RAB11FIP3: variants seen among roughly 807,000 people sequenced by gnomAD.
RAB11FIP3 encodes RAB11 family interacting protein 3.
RAB11FIP3 carries 17 observed loss-of-function variants against 77.8 expected under a neutral mutation model. The ratio of observed to expected loss-of-function variants is 0.22; its 90% CI spans 0.15 to 0.33. The LOEUF (loss-of-function observed/expected upper bound fraction) is 0.33, where lower values mean the gene tolerates loss of function less well. Among genes scored for constraint, RAB11FIP3 ranks in the 10% least tolerant of loss-of-function variants. RAB11FIP3 has a pLI of 1.00. For synonymous variants in RAB11FIP3, 437 were observed against 448.2 expected, an observed-to-expected ratio of 0.98 and a Z score of 0.31; for missense variants, 1,005 against 1,011.2, an observed-to-expected ratio of 0.99 and a Z score of 0.08.
Position 519,911 on chromosome 16 carries a change from C to T in RAB11FIP3, c.1860+20C>T. On this transcript the variant is annotated intron_variant, in intron 11 of 13. Coordinates refer to ENST00000262305, the MANE Select transcript of RAB11FIP3 (RefSeq NM_014700.4). Reference sequence around the variant, plus strand: ...CAGGAGGTGAGCACCCACCCTGCCCCACGCCCAGTCCTGCGCCCAGCCTGC... The same window carrying T: ...CAGGAGGTGAGCACCCACCCTGCCCTACGCCCAGTCCTGCGCCCAGCCTGC... 1.9e-6 allele frequency: 3 copies of T among 1,564,140 alleles called. No individual in the cohort carries two copies. The highest frequency in any genetic ancestry group is 2.3e-5 in the South Asian group (2 of 85,160).
intron 1 of RAB11FIP3, among the ~76,000 whole-genome samples, chr16:435,940 C>T (rs961649593): frequency 5.3e-5 from 8 of 152,120 alleles, no homozygotes; most frequent in African/African-American, 1.9e-4. Context: ...TGAAGATGGG[C>T]TATTTTTACT....
chr16:502,909 C>A, intron 6 of RAB11FIP3, 95 bp from the exon 7 acceptor site: 1 of 1,009,824 alleles, frequency 9.9e-7, no homozygotes, highest in Non-Finnish European at 1.6e-6. Flanking sequence ...AATGCTGCTG[C>A]CTGCTTTTCA....
chr16:478,472 T>C (rs999530121), intron 3 of RAB11FIP3, among the ~76,000 whole-genome samples: 11 of 151,968 alleles, frequency 7.2e-5, no homozygotes, highest in African/African-American at 2.7e-4. Context: ...ATTACAGGCA[T>C]TAACCACGGC....
chr16:486,022 C>T (rs1304478808), intron 4 of RAB11FIP3, among the ~76,000 whole-genome samples: 1 of 152,204 alleles, frequency 6.6e-6, no homozygotes, highest in Non-Finnish European at 1.5e-5. Flanking sequence ...TTGCCTTAGC[C>T]TCCTGATTAG....
intron 8 of RAB11FIP3, among the ~76,000 whole-genome samples, chr16:509,183 C>T (rs576624461): frequency 6.6e-6 from 1 of 152,356 alleles, no homozygotes; most frequent in South Asian, 2.1e-4. Context: ...GGATTACAGG[C>T]GTGAGCCCGG....
rs779597265 is a variant in RAB11FIP3, at chr16:426,368, C to A, written c.362C>A (p.Pro121Gln). Residue 121 changes from proline to glutamine, a missense_variant, in exon 1 of 14, where the codon CCG becomes CAG. This residue lies in a region of RAB11FIP3 where 466 missense variants were observed against 408.3 expected (regional missense o/e 1.14). Coordinates refer to ENST00000262305, the MANE Select transcript of RAB11FIP3 (RefSeq NM_014700.4). The surrounding 1 kb of genome is among the most constrained non-coding windows in gnomAD (Gnocchi z 5.0). ...RSEAPLPELD[P>Q]LFSWTEEPEE... is the part of the protein sequence containing the mutation. ...GAAGCGCCGCTTCCAGAACTCGACC[C>A]GTTGTTCTCCTGGACTGAGGAGCCC... The A allele has an allele frequency of 1.6e-5, 25 of 1,544,876 alleles. No homozygotes were observed. Among genetic ancestry groups the A allele is most frequent in the Middle Eastern group, 1.8e-4 (1 of 5,702 alleles).
At chr16:455,336 T>C (rs2055484534) in intron 1 of RAB11FIP3, among the ~76,000 whole-genome samples, 1 of 151,498 alleles carries the variant, frequency 6.6e-6, no homozygotes, top group Non-Finnish European at 1.5e-5. Context: ...CAGCCGGGCG[T>C]GGTGGCACGT....
intron 1 of RAB11FIP3, among the ~76,000 whole-genome samples, chr16:430,935 G>A (rs773137466): frequency 6.6e-6 from 1 of 152,188 alleles, no homozygotes. Context: ...GACCGTCCTC[G>A]GGCCTCAGCC....
At chr16:490,221 G>A (rs7206743) in intron 5 of RAB11FIP3, among the ~76,000 whole-genome samples, 21,093 of 152,214 alleles carry the variant, frequency 0.14, 1,997 homozygotes, top group African/African-American at 0.26. Flanking sequence ...GGGTCCCAGC[G>A]CCCGCGATGA....
chr16:483,384 G>A (rs1326043932), intron 4 of RAB11FIP3, among the ~76,000 whole-genome samples: 1 of 152,192 alleles, frequency 6.6e-6, no homozygotes, highest in Non-Finnish European at 1.5e-5. Flanking sequence ...CCATGGTTAG[G>A]GAGGTCAGGC....
At position 520,894 on chromosome 16, in the gene RAB11FIP3, T is replaced by G; in HGVS notation, c.*55T>G. ...CGGGACTCCAACACCCTGGAGTGGT[T>G]CCGTCAGACCATGAGGAGCCAAGAC... On this transcript the variant is annotated 3_prime_UTR_variant, in exon 14 of 14. Transcript: ENST00000262305. 1 of 1,439,218 alleles carries G rather than the reference T, an allele frequency of 6.9e-7. No individual in the cohort carries two copies. The highest frequency in any genetic ancestry group is 1.1e-5 in the South Asian group (1 of 87,460). 89.2% of individuals were successfully genotyped at this position (1,439,218 alleles called of 1,614,324 possible).
At chr16:474,593 C>T (rs1231433752) in intron 3 of RAB11FIP3, among the ~76,000 whole-genome samples, 2 of 152,082 alleles carry the variant, frequency 1.3e-5, no homozygotes, top group Non-Finnish European at 2.9e-5. Context: ...GAGTGTAAGG[C>T]GCATCTCACA....
rs746894823 is a variant in RAB11FIP3, at chr16:503,095, A to G, written c.1393A>G (p.Lys465Glu). ...GGGCCCAGAGGAGGACATTGCTGAC[A>G]AGGTAGGCCCTGGAGGGCTGGGTAG... ...MEGPEEDIAD[K>E]VVFLERRVLE... Residue 465 changes from lysine (K) to glutamate (E), a missense_variant and splice_region_variant, in exon 7 of 14, where the codon AAG (lysine) becomes GAG (glutamate). Physicochemically the swap from Lys to Glu is moderately conservative, Grantham distance 56 (BLOSUM62 1). Coordinates refer to ENST00000262305, the MANE Select transcript of RAB11FIP3 (RefSeq NM_014700.4). The G allele has an allele frequency of 6.2e-7, 1 of 1,609,798 alleles. No homozygotes were observed. Among genetic ancestry groups the G allele is most frequent in the Non-Finnish European group, 8.5e-7 (1 of 1,177,124 alleles).
At chr16:446,236 C>T (rs1453416366) in intron 1 of RAB11FIP3, among the ~76,000 whole-genome samples, 7 of 152,104 alleles carry the variant, frequency 4.6e-5, no homozygotes, top group African/African-American at 7.2e-5. Context: ...GCCTGGGCAG[C>T]ATAGTGAAAC....
intron 9 of RAB11FIP3, among the ~76,000 whole-genome samples, chr16:515,685 G>A (rs981591492): frequency 1.3e-4 from 20 of 151,312 alleles, no homozygotes; most frequent in Non-Finnish European, 2.2e-4. Flanking sequence ...GCAGCCACAC[G>A]GGCGACACGC....
intron 1 of RAB11FIP3, among the ~76,000 whole-genome samples, chr16:445,452 AAAAT>A (rs1183618739): frequency 1.1e-3 from 168 of 152,160 alleles, no homozygotes; most frequent in African/African-American, 3.8e-3. Context: ...AATAAAAATA[AAAAT>A]AAAAAAAGAT....
intron 1 of RAB11FIP3, among the ~76,000 whole-genome samples, chr16:435,204 CAA>C (rs371438435): frequency 3.0e-4 from 25 of 83,078 alleles, no homozygotes; most frequent in Admixed American, 4.0e-4. Flanking sequence ...GACTCCGTCT[CAA>C]AAAAAAAAAA....
At chr16:485,700 A>G (rs2056140337) in intron 4 of RAB11FIP3, among the ~76,000 whole-genome samples, 1 of 152,062 alleles carries the variant, frequency 6.6e-6, no homozygotes, top group Non-Finnish European at 1.5e-5. Context: ...CATGAGCCAC[A>G]GCCCCTGGCC....
intron 6 of RAB11FIP3, chr16:502,636 G>A (rs1007414416): frequency 1.3e-5 from 4 of 307,294 alleles, no homozygotes; most frequent in African/African-American, 9.1e-5. Flanking sequence ...GCCTCTGGTA[G>A]AGACGAGATT....
Sources: gnomAD v4.1 joint callset for allele counts (sites outside exome capture counted in the v4.1 genomes callset) on GRCh38, gnomAD v4.1.1 for gene constraint, gnomAD v4.1.1 regional missense constraint, Gnocchi (gnomAD v3.1) non-coding constraint, MANE v1.5 for transcripts, NCBI Gene and HGNC (gene_info 2026-07-23, HGNC 2026-07-21) for gene names.